The following KIF20A variants were observed in gnomAD, a reference collection of about 807,000 sequenced individuals.
The protein encoded by KIF20A is kinesin family member 20A.
A neutral mutation model predicts 113.0 loss-of-function variants in KIF20A; 66 were observed. The observed-to-expected ratio is 0.58, with a 90% confidence interval of 0.48 to 0.72. The LOEUF is 0.72. Among genes scored for constraint, KIF20A ranks in the 30% least tolerant of loss-of-function variants. The pLI, the probability that KIF20A is intolerant of heterozygous loss-of-function variation, is 0.00. For missense variants in KIF20A, 927 were observed against 1,077.6 expected (o/e 0.86, Z 1.96); for synonymous variants, 376 against 402.3 (o/e 0.93, Z 0.78).
chr5:138,184,483 G>C, intron 12 of KIF20A, 29 bp from the exon 13 acceptor site: 1 of 1,611,052 alleles, frequency 6.2e-7, no homozygotes, highest in South Asian at 1.1e-5. Context: ...TACTTATGGA[G>C]TCAAGTAAGA....
Position 138,182,904 on chromosome 5 carries a change from G to C in KIF20A, c.746G>C (p.Ser249Thr). Residue 249 changes from serine to threonine, a missense_variant, in exon 7 of 19, where the codon AGT becomes ACT. By Grantham distance (58) the Ser-to-Thr change is moderately conservative. Coordinates refer to ENST00000394894, the MANE Select transcript of KIF20A (RefSeq NM_005733.3). ...TSLKRSVYIE[S>T]RIGTSTSFDS... ...TTGAAGAGGAGTGTCTACATCGAAAGTCGGATAGGTACCAGCACCAGCTTC... is the reference window on the plus strand; with the variant it reads ...TTGAAGAGGAGTGTCTACATCGAAACTCGGATAGGTACCAGCACCAGCTTC... The C allele has an allele frequency of 6.2e-7, 1 of 1,614,198 alleles. No homozygotes were observed. Among genetic ancestry groups the C allele is most frequent in the Non-Finnish European group, 8.5e-7 (1 of 1,180,036 alleles).
intron 2 of KIF20A, among the ~76,000 whole-genome samples, chr5:138,180,542 T>C (rs181567749): frequency 5.3e-4 from 81 of 152,344 alleles, no homozygotes; most frequent in Non-Finnish European, 8.1e-4. Context: ...TGTGCTCTTA[T>C]AGAGTTTCTC....
At position 138,187,382 on chromosome 5, in the gene KIF20A, T is replaced by C. The variant is rs748462564; in HGVS notation, c.2642T>C (p.Leu881Pro). The C allele has an allele frequency of 2.3e-5, 37 of 1,613,776 alleles. No individual in the cohort carries two copies. Among genetic ancestry groups the C allele is most frequent in the Non-Finnish European group, 3.1e-5 (36 of 1,179,880 alleles). ...RILRSRRSPLLKSGPFGKKY is the reference protein window; with the variant it reads ...RILRSRRSPLPKSGPFGKKY ...CTACGCTCACGGCGTTCCCCTTTAC[T>C]CAAATCTGGGCCTTTTGGCAAAAAG... Residue 881 changes from leucine (L) to proline (P), a missense_variant, in exon 19 of 19, where the codon CTC (leucine) becomes CCC (proline). By Grantham distance (98) the Leu-to-Pro change is moderately conservative. Coordinates refer to ENST00000394894, the MANE Select transcript of KIF20A (RefSeq NM_005733.3).
At chr5:138,181,002 A>G (rs1397794048) in intron 2 of KIF20A, among the ~76,000 whole-genome samples, 2 of 152,222 alleles carry the variant, frequency 1.3e-5, no homozygotes, top group Admixed American at 6.5e-5. Context: ...AATGAATGAC[A>G]TAGGTGCTAT....
Position 138,182,763 on chromosome 5 carries a change from G to T in KIF20A, c.692G>T (p.Gly231Val). ...AAGAAGCTGTCCCTGCTAAATGGAG[G>T]CCTCCAAGAGGTAAAGCATTGGTAT... The part of the protein sequence containing the change: ...EMKKLSLLNG[G>V]LQEEELSTSL... Residue 231 changes from glycine (G) to valine (V), a missense_variant, in exon 6 of 19, where the codon GGC becomes GTC. Transcript: ENST00000394894. The T allele has an allele frequency of 6.2e-7, 1 of 1,613,642 alleles. No homozygotes were observed. The highest frequency in any genetic ancestry group is 8.5e-7 in the Non-Finnish European group (1 of 1,180,014).
chr5:138,182,016 G>T (rs1025303009), intron 4 of KIF20A: 2 of 567,624 alleles, frequency 3.5e-6, no homozygotes, highest in African/African-American at 3.7e-5. Context: ...GTAGAGTTAG[G>T]ACCTGAGTCT....
intron 2 of KIF20A, among the ~76,000 whole-genome samples, chr5:138,180,077 T>C (rs968019350): frequency 2.0e-5 from 3 of 152,222 alleles, no homozygotes; most frequent in Admixed American, 6.5e-5. Flanking sequence ...TAATTTGCAT[T>C]GCATTAATGA....
In KIF20A at chr5:138,183,865, G is replaced by T; in HGVS notation, c.1209-97G>T. 2 of 1,583,054 alleles carry T rather than the reference G, an allele frequency of 1.3e-6. No individual in the cohort carries two copies. Among genetic ancestry groups the T allele is most frequent in the Non-Finnish European group, 1.7e-6 (2 of 1,155,522 alleles). On this transcript the variant is annotated intron_variant, in intron 10 of 18. Coordinates refer to ENST00000394894, the MANE Select transcript of KIF20A (RefSeq NM_005733.3). The surrounding 1 kb of genome is among the most constrained non-coding windows in gnomAD (Gnocchi z 5.2). ...TGTGTTCTCCTTCTTTGGGTACAGA[G>T]ATTCTTAGTGGGCCGTCCCCTCTCC...
rs1346038535 is a variant in KIF20A at position 138,179,166 on chromosome 5, G to A, written c.-58G>A. ...AGCTTCGGCGACTAGGTGTGAGTAA[G>A]CCAGTATCCCAGGAGGAGCAAGTGG... is the stretch of plus-strand genomic sequence containing the variant. On this transcript the variant is annotated 5_prime_UTR_variant, in exon 1 of 19. Coordinates refer to ENST00000394894, the MANE Select transcript of KIF20A (RefSeq NM_005733.3). 5.4e-6 allele frequency: 1 copy of A among 184,876 alleles called. No homozygotes were observed. Among genetic ancestry groups the A allele is most frequent in the African/African-American group, 2.4e-5 (1 of 41,920 alleles). The allele number at this position is 184,876 out of a possible 1,614,324, so 11.5% of individuals were successfully genotyped here. A position where few individuals can be genotyped will look rare whatever the true frequency, so the allele number is the denominator to read the frequency against.
chr5:138,184,967 C>T (rs754854215), intron 14 of KIF20A, 21 bp downstream of exon 14: 1 of 1,612,672 alleles, frequency 6.2e-7, no homozygotes, highest in South Asian at 1.1e-5. Flanking sequence ...AGTGACCCCT[C>T]TTGCTCTGTC....
In KIF20A at chr5:138,182,878, C is replaced by T. The variant is rs1456598766; in HGVS notation, c.720C>T (p.Ser240=). ...GGLQEEELST[S]LKRSVYIESR... is the part of the protein sequence containing the mutation. ...CCCTCCAGGAGGAGCTGTCCACTTCCTTGAAGAGGAGTGTCTACATCGAAA... is the reference window on the plus strand; with the variant it reads ...CCCTCCAGGAGGAGCTGTCCACTTCTTTGAAGAGGAGTGTCTACATCGAAA... Residue 240 remains serine, a synonymous_variant, in exon 7 of 19, where the codon TCC becomes TCT. Transcript: ENST00000394894. 5 of 1,614,082 alleles carry T rather than the reference C, an allele frequency of 3.1e-6. No homozygotes were observed. The Admixed American group carries it at 8.3e-5, about 27-fold the overall frequency.
At chr5:138,185,023 C>T in intron 14 of KIF20A, 72 bp from the exon 15 acceptor site, 2 of 1,595,450 alleles carry the variant, frequency 1.3e-6, no homozygotes, top group Non-Finnish European at 1.7e-6. Context: ...GGAGTTGTGC[C>T]TCAAGATCTG....
intron 3 of KIF20A, 23 bp from the exon 4 acceptor site, chr5:138,181,586 A>C (rs753242305): frequency 2.5e-6 from 4 of 1,614,076 alleles, no homozygotes; most frequent in Non-Finnish European, 3.4e-6. Context: ...CTTCTGTGAC[A>C]ACTGTATTTT....
At chr5:138,185,489 T>G in intron 15 of KIF20A, 23 bp from the exon 16 acceptor site, 1 of 1,608,516 alleles carries the variant, frequency 6.2e-7, no homozygotes, top group African/African-American at 1.3e-5. Context: ...TGCAAAGAAT[T>G]GTGCTCTCTG....
At position 138,184,053 on chromosome 5, in the gene KIF20A, C is replaced by T. The variant is rs147723176; in HGVS notation, c.1300C>T (p.Leu434=). Residue 434 remains leucine (L), a synonymous_variant, in exon 11 of 19, where the codon CTA becomes TTA. Coordinates refer to ENST00000394894, the MANE Select transcript of KIF20A (RefSeq NM_005733.3). ...GGAAGCAGGAAACATTAACACCTCT[C>T]TACACACCCTGGGCCGCTGTATTGC... is the stretch of plus-strand genomic sequence containing the variant. ...LKEAGNINTS[L]HTLGRCIAAL... 1.2e-6 allele frequency: 2 copies of T among 1,614,074 alleles called. No individual in the cohort carries two copies. The highest frequency in any genetic ancestry group is 1.7e-6 in the Non-Finnish European group (2 of 1,180,046).
In KIF20A at chr5:138,187,168, A is replaced by AT; in HGVS notation, c.2430dup (p.Ala811CysfsTer2). 6.2e-7 allele frequency: 1 copy of AT among 1,614,076 alleles called. No individual in the cohort carries two copies. Among genetic ancestry groups the AT allele is most frequent in the African/African-American group, 1.3e-5 (1 of 75,052 alleles). ...GGACCTTCGGAAGAAGGCAGCATGT[A>AT]TTGCTGAGCAGTATCATACTGTGTT... On this transcript the variant is annotated frameshift_variant, in exon 19 of 19. Coordinates refer to ENST00000394894, the MANE Select transcript of KIF20A (RefSeq NM_005733.3). LOFTEE classifies it high-confidence loss of function.
chr5:138,182,807 G>C lies in KIF20A; in HGVS notation c.702+34G>C. ...TTGGTATCCATGGCAGTGGGGGTAG[G>C]GGGTACAAATCTCGGGGAAGTTTTG... On this transcript the variant is annotated intron_variant, in intron 6 of 18. Transcript: ENST00000394894. 4 of 1,613,594 alleles carry C rather than the reference G, an allele frequency of 2.5e-6. No individual in the cohort carries two copies. The South Asian group carries it at 3.3e-5, about 13-fold the overall frequency.
chr5:138,179,437 T>G, intron 1 of KIF20A: 1 of 488,482 alleles, frequency 2.0e-6, no homozygotes, highest in Non-Finnish European at 3.7e-6. Flanking sequence ...GAGCCAGATG[T>G]CTGTGGACTT....
At position 138,184,116 on chromosome 5, in the gene KIF20A, G is replaced by C; in HGVS notation, c.1352+11G>C. 6.2e-7 allele frequency: 1 copy of C among 1,614,070 alleles called. No individual in the cohort carries two copies. The highest frequency in any genetic ancestry group is 8.5e-7 in the Non-Finnish European group (1 of 1,179,990). On this transcript the variant is annotated intron_variant, in intron 11 of 18. Transcript: ENST00000394894. Reference sequence around the variant, plus strand: ...AAACCAGCAGAACCGGTGAGCTTTTGACTATAATTCCTGGGCTCTGCAATT... The same window carrying C: ...AAACCAGCAGAACCGGTGAGCTTTTCACTATAATTCCTGGGCTCTGCAATT...
Sources: allele counts gnomAD v4.1 joint callset (sites outside exome capture counted in the v4.1 genomes callset), GRCh38; gene constraint gnomAD v4.1.1; non-coding constraint Gnocchi (gnomAD v3.1); transcripts MANE v1.5; gene names NCBI Gene and HGNC (gene_info 2026-07-23, HGNC 2026-07-21).